RUNDC3B: variants seen among roughly 807,000 people sequenced by gnomAD.
RUNDC3B encodes RUN domain-containing protein 3B.
RUNDC3B carries 33 observed loss-of-function variants against 58.4 expected under a neutral mutation model. The ratio of observed to expected loss-of-function variants is 0.56; its 90% confidence interval spans 0.43 to 0.75. The LOEUF is 0.75. Ranked by LOEUF, RUNDC3B falls within the 30% of genes least tolerant of loss-of-function variation. The pLI, the probability that RUNDC3B is intolerant of heterozygous loss-of-function variation, is 0.00. For synonymous variants in RUNDC3B, 193 were observed against 195.2 expected, an observed-to-expected ratio of 0.99 and a Z score of 0.10; for missense variants, 501 against 535.7, an observed-to-expected ratio of 0.94 and a Z score of 0.64.
At chr7:87,814,469 ATTT>A (rs1345385380) in intron 9 of RUNDC3B, among the ~76,000 whole-genome samples, 4 of 152,184 alleles carry the variant, frequency 2.6e-5, no homozygotes, top group Non-Finnish European at 5.9e-5. Flanking sequence ...ATAGCATAGT[ATTT>A]AAGGAGAGAG....
intron 2 of RUNDC3B, among the ~76,000 whole-genome samples, chr7:87,699,318 A>T (rs1828796802): frequency 2.0e-5 from 3 of 152,242 alleles, no homozygotes; most frequent in Admixed American, 2.0e-4. Flanking sequence ...CTAGACAACT[A>T]AAGAAAGTAT....
At position 87,693,947 on chromosome 7, in the gene RUNDC3B, T is replaced by C. The variant is rs566055075; in HGVS notation, c.239-6474T>C. 3 of 1,611,914 alleles carry C rather than the reference T, an allele frequency of 1.9e-6. No individual in the cohort carries two copies. In the African/African-American group the frequency reaches 4.0e-5, roughly 22 times the overall value. Reference sequence around the variant, plus strand: ...TGCAGATGGCTGGCTCATCTCCAAATACCTCTTCAAGGTACTCTATGCTGG... The same window carrying C: ...TGCAGATGGCTGGCTCATCTCCAAACACCTCTTCAAGGTACTCTATGCTGG... On this transcript the variant is annotated intron_variant, in intron 2 of 10. Coordinates refer to ENST00000394654, the MANE Select transcript of RUNDC3B (RefSeq NM_001134405.2).
chr7:87,779,930 A>G (rs1442169139), intron 8 of RUNDC3B, among the ~76,000 whole-genome samples: 1 of 152,172 alleles, frequency 6.6e-6, no homozygotes. Context: ...AATGGCCTCT[A>G]GCTGCATCCA....
In RUNDC3B at chr7:87,771,167, A is replaced by G. The variant is rs183226912; in HGVS notation, c.798+418A>G. On this transcript the variant is annotated intron_variant, in intron 7 of 10. Coordinates refer to ENST00000394654, the MANE Select transcript of RUNDC3B (RefSeq NM_001134405.2). ...GTGGAGTATATAACAGAAAGAAAAC[A>G]AACTCTATTATTTTAAGGAGTTTGT... Among the ~76,000 whole-genome samples, 569 of 152,260 alleles carry G rather than the reference A, an allele frequency of 3.7e-3. 2 individuals are homozygous for G. Among genetic ancestry groups the G allele is most frequent in the Non-Finnish European group, 6.6e-3 (449 of 67,992 alleles).
At chr7:87,715,444 A>G (rs1830498134) in intron 4 of RUNDC3B, among the ~76,000 whole-genome samples, 1 of 130,536 alleles carries the variant, frequency 7.7e-6, no homozygotes, top group Non-Finnish European at 1.6e-5. Context: ...ATATTAATAT[A>G]ATATATAATT....
intron 6 of RUNDC3B, among the ~76,000 whole-genome samples, chr7:87,744,112 A>C (rs546260752): frequency 6.6e-5 from 10 of 152,158 alleles, no homozygotes; most frequent in Non-Finnish European, 1.5e-4. Context: ...GTCGTAGATC[A>C]GTTGGCTGTA....
chr7:87,716,805 A>G (rs1027260003), intron 4 of RUNDC3B, among the ~76,000 whole-genome samples: 4 of 152,168 alleles, frequency 2.6e-5, no homozygotes, highest in Admixed American at 2.6e-4. Context: ...GGTATTTGCA[A>G]TGTAGTTTAA....
chr7:87,787,906 T>A (rs1835307041), intron 8 of RUNDC3B, among the ~76,000 whole-genome samples: 1 of 152,208 alleles, frequency 6.6e-6, no homozygotes, highest in South Asian at 2.1e-4. Flanking sequence ...TCTATCATAT[T>A]ATCCCCAAGT....
intron 10 of RUNDC3B, among the ~76,000 whole-genome samples, chr7:87,820,883 A>G (rs545310337): frequency 3.9e-5 from 6 of 152,108 alleles, no homozygotes; most frequent in East Asian, 1.9e-4. Context: ...TTGATGGGAC[A>G]TATCTCAAAA....
At chr7:87,824,338 A>G (rs1837673397) in intron 10 of RUNDC3B, among the ~76,000 whole-genome samples, 1 of 152,120 alleles carries the variant, frequency 6.6e-6, no homozygotes, top group South Asian at 2.1e-4. Flanking sequence ...ACAAGATCTG[A>G]TGGTTTTAAA....
At chr7:87,731,328 T>C (rs1448306153) in intron 4 of RUNDC3B, among the ~76,000 whole-genome samples, 1 of 152,030 alleles carries the variant, frequency 6.6e-6, no homozygotes, top group East Asian at 1.9e-4. Context: ...AAAATATCCT[T>C]CATTAAAATA....
rs1833066018 is a variant in RUNDC3B at position 87,752,404 on chromosome 7, A to C, written c.629+10825A>C. Among the ~76,000 whole-genome samples, 3 of 152,228 alleles carry C rather than the reference A, an allele frequency of 2.0e-5. No individual in the cohort carries two copies. The South Asian group carries it at 6.2e-4, about 32-fold the overall frequency. On this transcript the variant is annotated intron_variant, in intron 6 of 10. Transcript: ENST00000394654. ...GCTGGCCTCATAAAATGAGTTAGGG[A>C]GGATTCCCTCTTTTTCTATTGATTG... is the stretch of plus-strand genomic sequence containing the variant.
At chr7:87,765,148 C>T (rs771787692) in intron 6 of RUNDC3B, among the ~76,000 whole-genome samples, 4 of 151,600 alleles carry the variant, frequency 2.6e-5, no homozygotes, top group Non-Finnish European at 5.9e-5. Context: ...GTAATGTAAC[C>T]GTTATTTCTG....
chr7:87,747,943 C>T (rs2130824763), intron 6 of RUNDC3B, among the ~76,000 whole-genome samples: 1 of 152,260 alleles, frequency 6.6e-6, no homozygotes, highest in South Asian at 2.1e-4. Flanking sequence ...TGGTTCTCCC[C>T]TGCCTGTGGA....
intron 2 of RUNDC3B, among the ~76,000 whole-genome samples, chr7:87,656,011 C>T (rs890297508): frequency 2.0e-5 from 3 of 152,086 alleles, no homozygotes; most frequent in African/African-American, 7.2e-5. Flanking sequence ...ACAGGACCCT[C>T]ACTAGACCCC....
intron 1 of RUNDC3B, among the ~76,000 whole-genome samples, chr7:87,634,163 G>A (rs1195250915): frequency 1.3e-5 from 2 of 152,122 alleles, no homozygotes; most frequent in Non-Finnish European, 2.9e-5. Flanking sequence ...ACTAGTGGGT[G>A]ATAAGTACCA....
At chr7:87,666,572 G>T (rs1178950182) in intron 2 of RUNDC3B, among the ~76,000 whole-genome samples, 1 of 152,042 alleles carries the variant, frequency 6.6e-6, no homozygotes, top group Non-Finnish European at 1.5e-5. Context: ...CCATTCCTAT[G>T]TCCAGGATGG....
intron 6 of RUNDC3B, among the ~76,000 whole-genome samples, chr7:87,744,822 A>T (rs1832548300): frequency 6.6e-6 from 1 of 152,014 alleles, no homozygotes; most frequent in South Asian, 2.1e-4. Flanking sequence ...CTTTCTCCTG[A>T]TTGCTCTAGC....
chr7:87,630,862 A>G (rs895615292), intron 1 of RUNDC3B, among the ~76,000 whole-genome samples: 2 of 152,146 alleles, frequency 1.3e-5, no homozygotes, highest in African/African-American at 4.8e-5. Context: ...TTGAAAAGAA[A>G]AGGATTTGTA....
Sources: gnomAD v4.1 joint callset for allele counts (sites outside exome capture counted in the v4.1 genomes callset) on GRCh38, gnomAD v4.1.1 for gene constraint, MANE v1.5 for transcripts, NCBI Gene and HGNC (gene_info 2026-07-23, HGNC 2026-07-21) for gene names.